SLC12A1: variants seen among roughly 807,000 people sequenced by gnomAD.
SLC12A1 encodes the protein solute carrier family 12 member 1.
In SLC12A1, 89 loss-of-function variants were observed where a neutral mutation model predicts 130.4. The observed-to-expected ratio is 0.68, with a 90% CI of 0.58 to 0.81. SLC12A1 has a LOEUF of 0.81. SLC12A1 is among the 40% of genes least tolerant of loss of function. The pLI is 0.00. For synonymous variants in SLC12A1, 499 were observed against 460.0 expected (o/e 1.08, Z -1.09); for missense variants, 1,310 against 1,336.4 (o/e 0.98, Z 0.31).
chr15:48,257,997 T>C (rs2141073713), intron 16 of SLC12A1, among the ~76,000 whole-genome samples: 1 of 152,240 alleles, frequency 6.6e-6, no homozygotes, highest in Non-Finnish European at 1.5e-5. Flanking sequence ...CTAAATCATC[T>C]CTCTCAAGTT....
chr15:48,301,170 A>G (rs557620412), intron 25 of SLC12A1, 145 bp from the exon 26 acceptor site: 8 of 672,352 alleles, frequency 1.2e-5, no homozygotes, highest in South Asian at 6.8e-5. Flanking sequence ...TTAAAACACC[A>G]TAAGTTTCTA....
intron 8 of SLC12A1, among the ~76,000 whole-genome samples, chr15:48,233,076 T>C (rs962739768): frequency 6.6e-6 from 1 of 152,216 alleles, no homozygotes; most frequent in Non-Finnish European, 1.5e-5. Flanking sequence ...CCATAGGTTT[T>C]AGAACCAGAA....
At chr15:48,225,025 T>C (rs1232746982) in intron 4 of SLC12A1, 2 of 152,206 alleles carry the variant, frequency 1.3e-5, no homozygotes, top group Non-Finnish European at 2.9e-5. Flanking sequence ...TAGTAGGTTT[T>C]TAAAAAGCAG....
chr15:48,242,903 C>T (rs2041533962), intron 10 of SLC12A1, among the ~76,000 whole-genome samples: 1 of 152,214 alleles, frequency 6.6e-6, no homozygotes, highest in African/African-American at 2.4e-5. Context: ...GAAATCAACA[C>T]ATTTTTAAAT....
At chr15:48,256,823 C>A (rs1006690334) in intron 16 of SLC12A1, among the ~76,000 whole-genome samples, 7 of 3,144 alleles carry the variant, frequency 2.2e-3, no homozygotes, top group Non-Finnish European at 0.014. Context: ...CCATCCCTGG[C>A]CCCCCCCCCC....
At chr15:48,273,626 G>A (rs2041920817) in intron 19 of SLC12A1, among the ~76,000 whole-genome samples, 1 of 152,192 alleles carries the variant, frequency 6.6e-6, no homozygotes, top group Non-Finnish European at 1.5e-5. Context: ...CTTTGTGACA[G>A]CTTGTGCCAG....
At chr15:48,278,280 C>T (rs535081807) in intron 20 of SLC12A1, among the ~76,000 whole-genome samples, 20 of 152,328 alleles carry the variant, frequency 1.3e-4, no homozygotes, top group African/African-American at 4.8e-4. Flanking sequence ...TTATTATGTG[C>T]CATCTATTAT....
chr15:48,299,351 A>G (rs2042208896), intron 25 of SLC12A1, 76 bp downstream of exon 25: 1 of 1,249,498 alleles, frequency 8.0e-7, no homozygotes, highest in Non-Finnish European at 1.1e-6. Context: ...TTAAAGACAA[A>G]GAAGCAATAT....
chr15:48,280,725 C>T (rs1037748210), intron 20 of SLC12A1, among the ~76,000 whole-genome samples: 1 of 152,048 alleles, frequency 6.6e-6, no homozygotes, highest in African/African-American at 2.4e-5. Flanking sequence ...CTTCCATTTC[C>T]CAGGCTCTTA....
intron 20 of SLC12A1, among the ~76,000 whole-genome samples, chr15:48,278,814 G>A (rs1270719241): frequency 1.3e-5 from 2 of 152,176 alleles, no homozygotes; most frequent in African/African-American, 4.8e-5. Flanking sequence ...TGATGTAGCT[G>A]AAAAGCATTG....
At chr15:48,276,380 A>AG (rs773273595) in intron 20 of SLC12A1, among the ~76,000 whole-genome samples, 6 of 152,186 alleles carry the variant, frequency 3.9e-5, no homozygotes, top group Non-Finnish European at 8.8e-5. Context: ...GCTAACCCCC[A>AG]GGACCTCGGA....
chr15:48,246,022 T>C (rs1422220036), intron 11 of SLC12A1, among the ~76,000 whole-genome samples: 1 of 152,228 alleles, frequency 6.6e-6, no homozygotes, highest in Non-Finnish European at 1.5e-5. Context: ...TCTGCATGAT[T>C]GGTGAGCAGA....
intron 9 of SLC12A1, among the ~76,000 whole-genome samples, chr15:48,240,072 C>CATATAT (rs1431987341): frequency 1.9e-5 from 1 of 52,086 alleles, no homozygotes; most frequent in African/African-American, 8.0e-5. Flanking sequence ...TATATATATC[C>CATATAT]ATATATATAT....
At chr15:48,266,092 C>A (rs1278497805) in intron 17 of SLC12A1, among the ~76,000 whole-genome samples, 1 of 152,178 alleles carries the variant, frequency 6.6e-6, no homozygotes, top group Non-Finnish European at 1.5e-5. Flanking sequence ...GCAGCATGGA[C>A]ATACAGGCTA....
intron 10 of SLC12A1, among the ~76,000 whole-genome samples, chr15:48,242,836 G>C (rs1167556206): frequency 6.9e-6 from 1 of 144,512 alleles, no homozygotes; most frequent in Non-Finnish European, 1.5e-5. Flanking sequence ...ATGTATTGTT[G>C]GGGCATGTCC....
chr15:48,279,813 T>C (rs1010122184), intron 20 of SLC12A1, among the ~76,000 whole-genome samples: 5 of 152,214 alleles, frequency 3.3e-5, no homozygotes, highest in African/African-American at 1.2e-4. Context: ...GATACTGCTG[T>C]GTCTGATCAA....
chr15:48,221,282 T>C lies in SLC12A1; in HGVS notation c.628+286T>C. 5.7e-6 allele frequency: 4 copies of C among 699,704 alleles called. 1 individual carries two copies. The highest frequency in any genetic ancestry group is 4.5e-5 in the South Asian group (3 of 66,528). The allele number at this position is 699,704 out of a possible 1,614,324, so 43.3% of individuals were successfully genotyped here. ...CAGACATATAATAGCATGTTAATTT[T>C]AGATAATAATATTTGTATTGGGGGA... On this transcript the variant is annotated intron_variant, in intron 4 of 26. Transcript: ENST00000380993.
chr15:48,270,154 C>T (rs1311134933), intron 19 of SLC12A1, among the ~76,000 whole-genome samples: 1 of 152,136 alleles, frequency 6.6e-6, no homozygotes, highest in African/African-American at 2.4e-5. Context: ...TCTGATAATT[C>T]GTTCACTATC....
At chr15:48,264,094 C>T (rs556965269) in intron 17 of SLC12A1, among the ~76,000 whole-genome samples, 192 of 152,290 alleles carry the variant, frequency 1.3e-3, no homozygotes, top group African/African-American at 4.5e-3. Context: ...GCAATGTTAT[C>T]TGAATTTTAT....
Sources: allele counts gnomAD v4.1 joint callset (sites outside exome capture counted in the v4.1 genomes callset), GRCh38; gene constraint gnomAD v4.1.1; transcripts MANE v1.5; gene names NCBI Gene and HGNC (gene_info 2026-07-23, HGNC 2026-07-21).